Variants in LONP1 observed in about 807,000 individuals in gnomAD.
LONP1 encodes lon peptidase 1, mitochondrial.
In LONP1, 31 loss-of-function variants were observed where a neutral mutation model predicts 98.5. That is an observed-to-expected ratio of 0.31 (90% CI 0.24 to 0.42). LONP1 has a LOEUF of 0.42. Ranked by LOEUF, LONP1 falls within the 20% of genes least tolerant of loss-of-function variation. The pLI, the probability that LONP1 is intolerant of heterozygous loss-of-function variation, is 1.00. For missense variants in LONP1, 1,336 were observed against 1,350.6 expected (o/e 0.99, Z 0.17); for synonymous variants, 781 against 594.7 (o/e 1.31, Z -4.56).
At chr19:5,708,523 A>C in intron 4 of LONP1, 120 bp from the exon 5 acceptor site, 1 of 422,154 alleles carries the variant, frequency 2.4e-6, no homozygotes, top group Non-Finnish European at 4.3e-6. Flanking sequence ...CCCCTCCGCC[A>C]ACTGGCCCTG....
Position 5,693,281 on chromosome 19 carries a change from G to GGT in LONP1, c.2703+15_2703+16dup, listed in dbSNP as rs1568309519. The GGT allele has an allele frequency of 6.3e-7, 1 of 1,593,554 alleles. No individual in the cohort carries two copies. Among genetic ancestry groups the GGT allele is most frequent in the Admixed American group, 1.7e-5 (1 of 59,454 alleles). ...TGGGCCCTGCCAGTGCTGTGGGGTG[G>GGT]GTACAGGGACACTCACCGCAATGGT... On this transcript the variant is annotated intron_variant, in intron 17 of 17. Transcript: ENST00000360614.
At chr19:5,692,379 C>A in intron 17 of LONP1, 171 bp from the exon 18 acceptor site, 1 of 592,650 alleles carries the variant, frequency 1.7e-6, no homozygotes. Context: ...GGGAAACAGG[C>A]TCAAGGCAAA....
intron 3 of LONP1, 69 bp downstream of exon 3, chr19:5,713,065 A>C: frequency 6.2e-7 from 1 of 1,604,750 alleles, no homozygotes; most frequent in Admixed American, 1.7e-5. Flanking sequence ...CTGGGGCATA[A>C]GGCATCCTGG....
At chr19:5,701,117 C>G (rs1224061506) in intron 8 of LONP1, among the ~76,000 whole-genome samples, 190 bp from the exon 9 acceptor site, 2 of 152,008 alleles carry the variant, frequency 1.3e-5, no homozygotes, top group African/African-American at 4.8e-5. Flanking sequence ...AGTTCAAGAC[C>G]AGCCTGAGCA....
In LONP1 at chr19:5,719,839, C is replaced by T. The variant is rs769141776; in HGVS notation, c.294G>A (p.Gly98=). The T allele has an allele frequency of 2.5e-6, 4 of 1,607,950 alleles. No individual in the cohort carries two copies. Among genetic ancestry groups the T allele is most frequent in the Non-Finnish European group, 3.4e-6 (4 of 1,177,832 alleles). ...GGCCTTCCCCGGCGCCCGCGCTGCC[C>T]CCCGCGCCGCCGGCTCCTTCCTCCG... ...GGAEEGAGGA[G]GSAGAGEGPV... is the part of the protein sequence containing the mutation. The change falls in exon 1 of 18, where the codon GGG becomes GGA. Residue 98 remains glycine (G), a synonymous_variant. Coordinates refer to ENST00000360614, the MANE Select transcript of LONP1 (RefSeq NM_004793.4).
At position 5,714,168 on chromosome 19, in the gene LONP1, A is replaced by G. The variant is rs1412762351; in HGVS notation, c.518+15T>C. On this transcript the variant is annotated intron_variant, in intron 2 of 17. Coordinates refer to ENST00000360614, the MANE Select transcript of LONP1 (RefSeq NM_004793.4). ...GGCACCGTCAACAAGGGAATGAAGG[A>G]AAAATCACACTTACCTGTCATCTCT... 6.2e-7 allele frequency: 1 copy of G among 1,607,306 alleles called. No individual in the cohort carries two copies. The highest frequency in any genetic ancestry group is 1.3e-5 in the African/African-American group (1 of 74,624).
Position 5,696,701 on chromosome 19 carries a change from T to G in LONP1, c.1742A>C (p.Lys581Thr), listed in dbSNP as rs768956788. 6.2e-7 allele frequency: 1 copy of G among 1,613,670 alleles called. No homozygotes were observed. Among genetic ancestry groups the G allele is most frequent in the Non-Finnish European group, 8.5e-7 (1 of 1,179,946 alleles). Residue 581 changes from lysine to threonine, a missense_variant, in exon 11 of 18, where the codon AAG (lysine) becomes ACG (threonine). By Grantham distance (78) the Lys-to-Thr change is moderately conservative. Coordinates refer to ENST00000360614, the MANE Select transcript of LONP1 (RefSeq NM_004793.4). ...GKIIQCLKKTKTENPLILIDE... is the reference protein window; with the variant it reads ...GKIIQCLKKTTTENPLILIDE... ...GATGAGGATCAGGGGGTTCTCCGTC[T>G]TGGTCTTCTTCAAACACTGGATGAT...
At chr19:5,692,672 A>G (rs2054848941) in intron 17 of LONP1, among the ~76,000 whole-genome samples, 3 of 152,192 alleles carry the variant, frequency 2.0e-5, no homozygotes, top group Non-Finnish European at 4.4e-5. Context: ...CCTTGAAAGG[A>G]CAGCAGTTCC....
chr19:5,711,014 CAG>C (rs1193473667), intron 4 of LONP1, among the ~76,000 whole-genome samples: 3 of 151,258 alleles, frequency 2.0e-5, no homozygotes, highest in African/African-American at 7.3e-5. Context: ...TTGACAGAGC[CAG>C]ACTCTGTCTC....
At position 5,691,900 on chromosome 19, in the gene LONP1, CTGGGAT is replaced by C; in HGVS notation, c.*126_*131del. 9.6e-7 allele frequency: 1 copy of C among 1,043,736 alleles called. No individual in the cohort carries two copies. Among genetic ancestry groups the C allele is most frequent in the East Asian group, 2.5e-5 (1 of 39,494 alleles). 64.7% of individuals were successfully genotyped at this position (1,043,736 alleles called of 1,614,324 possible). A position where few individuals can be genotyped will look rare whatever the true frequency, so the allele number is the denominator to read the frequency against. ...ACTCTGATTAAGCCGACTGAGGTCC[CTGGGAT>C]CTGGGTCACTGGACCGAGCTGCTCG... On this transcript the variant is annotated 3_prime_UTR_variant, in exon 18 of 18. Coordinates refer to ENST00000360614, the MANE Select transcript of LONP1 (RefSeq NM_004793.4).
In LONP1 at chr19:5,693,759, C is replaced by A. The variant is rs778893209; in HGVS notation, c.2331G>T (p.Thr777=). 20 of 1,613,436 alleles carry A rather than the reference C, an allele frequency of 1.2e-5. No homozygotes were observed. The East Asian group carries it at 3.1e-4, about 25-fold the overall frequency. The change falls in exon 16 of 18, where the codon ACG becomes ACT. Residue 777 remains threonine (T), a synonymous_variant. Transcript: ENST00000360614. ...GTCTCAGGGATGTCTCCACAAACAG[C>A]GTGGAGCCTCCTGAAACAGGTGTGG... is the stretch of plus-strand genomic sequence containing the variant. ...GLAWTAMGGS[T]LFVETSLRRP...
intron 4 of LONP1, among the ~76,000 whole-genome samples, chr19:5,709,128 G>T (rs572355290): frequency 6.6e-6 from 1 of 150,410 alleles, no homozygotes; most frequent in Admixed American, 6.6e-5. Context: ...GATCCTCCCC[G>T]CTCATTTTCC....
chr19:5,705,644 C>T (rs2055132822), intron 8 of LONP1, 128 bp downstream of exon 8: 10 of 690,248 alleles, frequency 1.4e-5, no homozygotes, highest in Admixed American at 2.4e-5. Flanking sequence ...TCGCTGGATG[C>T]CTCCCAGCCC....
At chr19:5,693,008 T>G (rs1469111864) in intron 17 of LONP1, among the ~76,000 whole-genome samples, 1 of 151,894 alleles carries the variant, frequency 6.6e-6, no homozygotes, top group South Asian at 2.1e-4. Flanking sequence ...GTCGTCCCCA[T>G]CTCTAGCCTC....
At chr19:5,706,507 T>C (rs1336847147) in intron 7 of LONP1, among the ~76,000 whole-genome samples, 2 of 151,948 alleles carry the variant, frequency 1.3e-5, no homozygotes, top group Non-Finnish European at 2.9e-5. Context: ...CTCGGGAGGC[T>C]GAGGTGGGAG....
Position 5,720,041 on chromosome 19 carries a change from A to G in LONP1, c.92T>C (p.Val31Ala). The stretch of plus-strand genomic sequence containing the variant: ...CAACCACGCTCCTGCTGCAGTGGGA[A>G]CCCGCCCCCCGGCGGCGGCCAGCAT... ...RPMLAAAGGR[V>A]PTAAGAWLLR... The change falls in exon 1 of 18, where the codon GTT (valine) becomes GCT (alanine). Residue 31 changes from valine to alanine, a missense_variant. Coordinates refer to ENST00000360614, the MANE Select transcript of LONP1 (RefSeq NM_004793.4). The G allele has an allele frequency of 6.5e-7, 1 of 1,547,070 alleles. No homozygotes were observed. The highest frequency in any genetic ancestry group is 8.7e-7 in the Non-Finnish European group (1 of 1,150,708).
rs770545248 is a variant in LONP1 at position 5,694,833 on chromosome 19, G to A, written c.2082C>T (p.Asp694=). The change falls in exon 14 of 18, where the codon GAC becomes GAT. Residue 694 remains aspartate, a synonymous_variant. Coordinates refer to ENST00000360614, the MANE Select transcript of LONP1 (RefSeq NM_004793.4). The part of the protein sequence containing the change: ...LDESKAKLSS[D]VLTLLIKQYC... ...ACTGCTTGATGAGCAGCGTCAGCAC[G>A]TCCGATGACAGCTTGGCCTTGCTCT... 1.2e-5 allele frequency: 20 copies of A among 1,603,144 alleles called. No individual in the cohort carries two copies. In the Middle Eastern group the frequency reaches 5.1e-4, roughly 41 times the overall value.
intron 6 of LONP1, 124 bp downstream of exon 6, chr19:5,707,573 G>A: frequency 4.9e-6 from 5 of 1,018,748 alleles, no homozygotes; most frequent in Non-Finnish European, 7.4e-6. Flanking sequence ...GTGCACGGTG[G>A]AGGGACAAGG....
At chr19:5,718,807 T>G (rs1013464261) in intron 1 of LONP1, among the ~76,000 whole-genome samples, 1 of 152,048 alleles carries the variant, frequency 6.6e-6, no homozygotes, top group Admixed American at 6.6e-5. Context: ...TACATCATCC[T>G]GCTCCCTCCC....
Sources: gnomAD v4.1 joint callset for allele counts (sites outside exome capture counted in the v4.1 genomes callset) on GRCh38, gnomAD v4.1.1 for gene constraint, MANE v1.5 for transcripts, NCBI Gene and HGNC (gene_info 2026-07-23, HGNC 2026-07-21) for gene names.